Variants in NF1 observed in about 807,000 individuals in gnomAD.
The protein encoded by NF1 is neurofibromin 1.
NF1 carries 122 observed loss-of-function variants against 325.7 expected under a neutral mutation model. The ratio of observed to expected loss-of-function variants is 0.37; its 90% CI spans 0.32 to 0.44. The LOEUF (loss-of-function observed/expected upper bound fraction) is 0.44. NF1 is among the 20% of genes least tolerant of loss of function. The pLI is 1.00. For missense variants in NF1, 2,140 were observed against 3,415.4 expected, an observed-to-expected ratio of 0.63 and a Z score of 9.31; for synonymous variants, 1,091 against 1,186.0, an observed-to-expected ratio of 0.92 and a Z score of 1.65.
At chr17:31,144,506 A>G (rs1371917344) in intron 1 of NF1, among the ~76,000 whole-genome samples, 3 of 152,232 alleles carry the variant, frequency 2.0e-5, no homozygotes, top group Non-Finnish European at 4.4e-5. Context: ...AATTCATGAC[A>G]GGTTCAGCTG....
chr17:31,327,606 C>T lies in NF1; in HGVS notation c.5376C>T (p.Cys1792=). The change falls in exon 38 of 58, where the codon TGC becomes TGT. Residue 1792 remains cysteine, a synonymous_variant. Coordinates refer to ENST00000358273, the MANE Select transcript of NF1 (RefSeq NM_001042492.3). ...ATGCTTCGGAAATTGAAGAAATCTG[C>T]CTAGTAGATGAGAACCAGTTCACCT... ...IYYASEIEEI[C]LVDENQFTLT... 1 of 1,614,100 alleles carries T rather than the reference C, an allele frequency of 6.2e-7. No homozygotes were observed. The highest frequency in any genetic ancestry group is 8.5e-7 in the Non-Finnish European group (1 of 1,179,990).
At chr17:31,144,029 TAGTC>T (rs542657248) in intron 1 of NF1, among the ~76,000 whole-genome samples, 108 of 152,114 alleles carry the variant, frequency 7.1e-4, no homozygotes, top group African/African-American at 2.3e-3. Flanking sequence ...TTCACCGTAT[TAGTC>T]AGGATGATCT....
intron 15 of NF1, chr17:31,222,187 A>G (rs2066936526): frequency 1.7e-6 from 2 of 1,160,924 alleles, no homozygotes; most frequent in East Asian, 7.7e-5. Context: ...TGTTTGGTAT[A>G]TTACTTTTTT....
At chr17:31,345,091 C>G (rs1698108759) in intron 48 of NF1, among the ~76,000 whole-genome samples, 1 of 152,100 alleles carries the variant, frequency 6.6e-6, no homozygotes, top group Non-Finnish European at 1.5e-5. Context: ...CCACTGCACT[C>G]CAGCCTTTGT....
intron 1 of NF1, among the ~76,000 whole-genome samples, chr17:31,101,240 C>T (rs1170183382): frequency 1.3e-5 from 2 of 152,000 alleles, no homozygotes; most frequent in African/African-American, 4.8e-5. Context: ...TGTGATGTTC[C>T]ACTCCCCCCG....
chr17:31,322,803 C>T (rs1017487174), intron 36 of NF1, among the ~76,000 whole-genome samples: 1 of 152,158 alleles, frequency 6.6e-6, no homozygotes, highest in African/African-American at 2.4e-5. Context: ...TAATTTAAGT[C>T]CTCTCAGTCC....
chr17:31,331,176 G>T (rs867246959), intron 39 of NF1: 2 of 151,850 alleles, frequency 1.3e-5, no homozygotes, highest in Non-Finnish European at 2.9e-5. Context: ...ATAATTAAAA[G>T]CTTCAGCAAT....
At chr17:31,263,126 A>ATAGATAGATAGATT (rs1484091169) in intron 35 of NF1, among the ~76,000 whole-genome samples, 1 of 32,246 alleles carries the variant, frequency 3.1e-5, no homozygotes. Context: ...TAGATAGATA[A>ATAGATAGATAGATT]GATAAGATAA....
intron 36 of NF1, chr17:31,305,604 A>C: frequency 3.1e-6 from 5 of 1,611,416 alleles, no homozygotes; most frequent in Non-Finnish European, 4.2e-6. Flanking sequence ...AATATTTGGG[A>C]TCCATTTCAG....
intron 36 of NF1, chr17:31,296,736 A>T (rs993871658): frequency 9.0e-6 from 2 of 223,462 alleles, no homozygotes; most frequent in Non-Finnish European, 9.0e-6. Context: ...ATGAGAAAAA[A>T]TGGCTGTCGT....
At chr17:31,285,003 C>G (rs550248983) in intron 36 of NF1, among the ~76,000 whole-genome samples, 2 of 151,428 alleles carry the variant, frequency 1.3e-5, no homozygotes. Flanking sequence ...CCTGTAATTC[C>G]AGCTACTCAG....
intron 47 of NF1, among the ~76,000 whole-genome samples, chr17:31,341,483 A>C (rs1463036672): frequency 6.6e-6 from 1 of 152,088 alleles, no homozygotes; most frequent in Non-Finnish European, 1.5e-5. Flanking sequence ...AGATCACGCC[A>C]CTGCACTCCA....
At chr17:31,307,900 C>G in intron 36 of NF1, 1 of 1,289,190 alleles carries the variant, frequency 7.8e-7, no homozygotes, top group Non-Finnish European at 1.0e-6. Flanking sequence ...TTCAGCATAT[C>G]TAAACAGCAT....
At chr17:31,259,571 A>G (rs2067648350) in intron 33 of NF1, among the ~76,000 whole-genome samples, 1 of 152,182 alleles carries the variant, frequency 6.6e-6, no homozygotes, top group Non-Finnish European at 1.5e-5. Context: ...ACCAAGTCAA[A>G]CAAACACATA....
chr17:31,286,647 T>C (rs2068232913), intron 36 of NF1, among the ~76,000 whole-genome samples: 1 of 152,220 alleles, frequency 6.6e-6, no homozygotes, highest in Admixed American at 6.5e-5. Context: ...TTGTCATTGG[T>C]ATAAGGAATA....
chr17:31,115,423 T>A (rs1394589358), intron 1 of NF1, among the ~76,000 whole-genome samples: 1 of 152,222 alleles, frequency 6.6e-6, no homozygotes, highest in East Asian at 1.9e-4. Context: ...AGGCCTCCAA[T>A]CCAGCAGATA....
intron 36 of NF1, chr17:31,295,853 G>A: frequency 6.2e-7 from 1 of 1,614,192 alleles, no homozygotes; most frequent in Non-Finnish European, 8.5e-7. Context: ...GGTTGGAACT[G>A]TCCAAAGTTT....
chr17:31,173,172 T>A (rs1363333726), intron 5 of NF1, among the ~76,000 whole-genome samples: 1 of 152,080 alleles, frequency 6.6e-6, no homozygotes, highest in Admixed American at 6.6e-5. Flanking sequence ...ATCCCAGCAC[T>A]TTGGGAGGCT....
intron 36 of NF1, chr17:31,304,712 C>G: frequency 2.5e-6 from 4 of 1,614,164 alleles, no homozygotes; most frequent in Non-Finnish European, 3.4e-6. Flanking sequence ...TTGTTGGAGT[C>G]TTCAATGTTT....
Sources: allele counts gnomAD v4.1 joint callset (sites outside exome capture counted in the v4.1 genomes callset), GRCh38; gene constraint gnomAD v4.1.1; transcripts MANE v1.5; gene names NCBI Gene and HGNC (gene_info 2026-07-23, HGNC 2026-07-21).